The following GPATCH2 variants were observed in gnomAD, a reference collection of about 807,000 sequenced individuals.
The protein encoded by GPATCH2 is G patch domain-containing protein 2.
A neutral mutation model predicts 58.0 loss-of-function variants in GPATCH2; 51 were observed. The observed-to-expected ratio is 0.88, with a 90% CI of 0.70 to 1.11. The LOEUF is 1.11. GPATCH2 is among the 50% of genes most tolerant of loss of function. The pLI is 0.00. For synonymous variants in GPATCH2, 222 were observed against 218.5 expected (o/e 1.02, Z -0.14); for missense variants, 625 against 652.2 (o/e 0.96, Z 0.45).
At chr1:217,444,173 A>G (rs1306359708) in intron 9 of GPATCH2, among the ~76,000 whole-genome samples, 1 of 152,196 alleles carries the variant, frequency 6.6e-6, no homozygotes, top group African/African-American at 2.4e-5. Flanking sequence ...GGCAGAAACA[A>G]GATTATTTAT....
intron 9 of GPATCH2, among the ~76,000 whole-genome samples, chr1:217,443,924 A>G (rs1024839145): frequency 6.6e-6 from 1 of 151,948 alleles, no homozygotes; most frequent in East Asian, 1.9e-4. Context: ...TCTTTTTTGA[A>G]TATGTTTTTA....
chr1:217,445,652 A>C (rs1460668284), intron 9 of GPATCH2, among the ~76,000 whole-genome samples: 1 of 152,162 alleles, frequency 6.6e-6, no homozygotes, highest in South Asian at 2.1e-4. Flanking sequence ...ACATTAAAAA[A>C]ATCAATATCT....
At chr1:217,571,123 G>A (rs1230766006) in intron 5 of GPATCH2, among the ~76,000 whole-genome samples, 4 of 152,188 alleles carry the variant, frequency 2.6e-5, no homozygotes, top group Non-Finnish European at 5.9e-5. Flanking sequence ...ATATCAGACC[G>A]TGTTAGGTGA....
At chr1:217,558,893 T>C (rs548848680) in intron 5 of GPATCH2, among the ~76,000 whole-genome samples, 1 of 152,290 alleles carries the variant, frequency 6.6e-6, no homozygotes, top group East Asian at 1.9e-4. Context: ...TCCTTTTTGC[T>C]TCTTCCAACT....
intron 5 of GPATCH2, among the ~76,000 whole-genome samples, chr1:217,571,968 G>T (rs187332003): frequency 7.8e-6 from 1 of 129,020 alleles, no homozygotes. Flanking sequence ...AAGGAAGGAA[G>T]GAAAGAAAGA....
At chr1:217,510,833 C>A (rs973511504) in intron 6 of GPATCH2, among the ~76,000 whole-genome samples, 84 of 152,202 alleles carry the variant, frequency 5.5e-4, no homozygotes, top group East Asian at 1.2e-3. Flanking sequence ...TGGCTCACAT[C>A]TGTAATCCCA....
intron 5 of GPATCH2, among the ~76,000 whole-genome samples, chr1:217,541,922 A>C (rs1329321616): frequency 2.0e-5 from 3 of 152,210 alleles, no homozygotes; most frequent in Admixed American, 2.0e-4. Context: ...GCTACATTTT[A>C]GGTATTCCAT....
In GPATCH2 at chr1:217,558,936, C is replaced by T. The variant is rs1020252032; in HGVS notation, c.1099-44047G>A. ...GTAGGCAACAAATCAAGTGGGTCTA[C>T]CATACTCACTAATTCTCCCTGCAGC... is the stretch of plus-strand genomic sequence containing the variant. On this transcript the variant is annotated intron_variant, in intron 5 of 9. Coordinates refer to ENST00000366935, the MANE Select transcript of GPATCH2 (RefSeq NM_018040.5). Among the ~76,000 whole-genome samples, 6 of 152,236 alleles carry T rather than the reference C, an allele frequency of 3.9e-5. No homozygotes were observed. The South Asian group carries it at 1.2e-3, about 32-fold the overall frequency.
At chr1:217,540,538 C>G (rs1317054707) in intron 5 of GPATCH2, among the ~76,000 whole-genome samples, 2 of 152,180 alleles carry the variant, frequency 1.3e-5, no homozygotes, top group Non-Finnish European at 2.9e-5. Context: ...AGTAACATAG[C>G]AGTGATTGAT....
chr1:217,441,141 C>T (rs1039683621), intron 9 of GPATCH2, among the ~76,000 whole-genome samples: 3 of 152,172 alleles, frequency 2.0e-5, no homozygotes, highest in African/African-American at 7.2e-5. Flanking sequence ...CAGCATGGTA[C>T]TGGTACTAAC....
intron 1 of GPATCH2, among the ~76,000 whole-genome samples, chr1:217,620,990 G>A (rs1558533778): frequency 6.6e-6 from 1 of 152,174 alleles, no homozygotes; most frequent in South Asian, 2.1e-4. Flanking sequence ...CAGACAGGTA[G>A]TTTCAGGATT....
chr1:217,454,663 G>C (rs551223949), intron 8 of GPATCH2, among the ~76,000 whole-genome samples: 2 of 143,564 alleles, frequency 1.4e-5, no homozygotes, highest in Middle Eastern at 3.9e-3. Context: ...CTGTACCCCA[G>C]TTTGGAGTGC....
chr1:217,578,948 T>C (rs1000369250), intron 5 of GPATCH2, among the ~76,000 whole-genome samples: 1 of 152,180 alleles, frequency 6.6e-6, no homozygotes, highest in East Asian at 1.9e-4. Context: ...AACTGATATT[T>C]TGAGTTAGTG....
intron 8 of GPATCH2, among the ~76,000 whole-genome samples, chr1:217,454,409 G>A (rs948329355): frequency 6.6e-6 from 1 of 151,802 alleles, no homozygotes; most frequent in Non-Finnish European, 1.5e-5. Context: ...CTAACACGGT[G>A]AAACCCCGTT....
intron 8 of GPATCH2, among the ~76,000 whole-genome samples, chr1:217,475,451 AAAAC>A (rs369805860): frequency 5.9e-4 from 90 of 152,298 alleles, no homozygotes; most frequent in African/African-American, 2.0e-3. Context: ...AAAACAAAAC[AAAAC>A]AAACAAACAA....
chr1:217,596,480 T>C (rs1667834775), intron 5 of GPATCH2, among the ~76,000 whole-genome samples: 1 of 152,192 alleles, frequency 6.6e-6, no homozygotes, highest in East Asian at 1.9e-4. Flanking sequence ...AATATTGACC[T>C]AATTAGGCTT....
chr1:217,581,124 G>A (rs1012065353), intron 5 of GPATCH2, among the ~76,000 whole-genome samples: 7 of 151,878 alleles, frequency 4.6e-5, no homozygotes, highest in South Asian at 2.1e-4. Flanking sequence ...CCCAAGATCC[G>A]CTGGGAGATT....
chr1:217,427,604 T>A lies in GPATCH2; in HGVS notation c.*3541A>T, dbSNP rs375062251. ...CATGACTTTCTACCAAAAGAAAAAA[T>A]AAAAAAAAATATTCTTTGCTAACAA... On this transcript the variant is annotated 3_prime_UTR_variant, in exon 10 of 10. Transcript: ENST00000366935. The A allele has an allele frequency of 1.3e-5, 2 of 151,270 alleles. No homozygotes were observed. The highest frequency in any genetic ancestry group is 3.0e-5 in the Non-Finnish European group (2 of 67,766). 9.4% of individuals were successfully genotyped at this position (151,270 alleles called of 1,614,324 possible). A position where few individuals can be genotyped will look rare whatever the true frequency, so the allele number is the denominator to read the frequency against.
chr1:217,470,816 T>C (rs1479680827), intron 8 of GPATCH2, among the ~76,000 whole-genome samples: 1 of 152,134 alleles, frequency 6.6e-6, no homozygotes, highest in Non-Finnish European at 1.5e-5. Flanking sequence ...TTGAGCTTTC[T>C]TTTTAATTGG....
Sources: gnomAD v4.1 joint callset for allele counts (sites outside exome capture counted in the v4.1 genomes callset) on GRCh38, gnomAD v4.1.1 for gene constraint, MANE v1.5 for transcripts, NCBI Gene and HGNC (gene_info 2026-07-23, HGNC 2026-07-21) for gene names.